Variants in PPP6R3 observed in about 807,000 individuals in gnomAD.
The protein encoded by PPP6R3 is serine/threonine-protein phosphatase 6 regulatory subunit 3.
In PPP6R3, 38 loss-of-function variants were observed where a neutral mutation model predicts 110.7. That is an observed-to-expected ratio of 0.34 (90% CI 0.26 to 0.45). The LOEUF (loss-of-function observed/expected upper bound fraction) is 0.45, where lower values mean the gene tolerates loss of function less well. PPP6R3 is among the 20% of genes least tolerant of loss of function. The probability of loss-of-function intolerance (pLI) is 1.00; values close to 1 mark genes in which losing one functional copy is unlikely to be tolerated. For missense variants in PPP6R3, 870 were observed against 1,062.4 expected (o/e 0.82, Z 2.52); for synonymous variants, 369 against 373.5 (o/e 0.99, Z 0.14).
chr11:68,583,296 T>TA (rs1260732692), intron 15 of PPP6R3, among the ~76,000 whole-genome samples, 167 bp downstream of exon 15: 2 of 152,216 alleles, frequency 1.3e-5, no homozygotes, highest in Non-Finnish European at 2.9e-5. Context: ...AAATGAAAGA[T>TA]AGATTTGTAT....
At chr11:68,604,101 A>G (rs1937963362) in intron 22 of PPP6R3, among the ~76,000 whole-genome samples, 2 of 152,236 alleles carry the variant, frequency 1.3e-5, no homozygotes, top group Non-Finnish European at 2.9e-5. Flanking sequence ...CCATTACAAG[A>G]AGGAATGCCT....
rs1343642806 is a variant in PPP6R3 at position 68,569,863 on chromosome 11, A to T, written c.1244A>T (p.Gln415Leu). The T allele has an allele frequency of 6.8e-6, 11 of 1,611,710 alleles. No individual in the cohort carries two copies. Among genetic ancestry groups the T allele is most frequent in the East Asian group, 2.2e-5 (1 of 44,768 alleles). ...ACAGAAAATGCCACAATTACCGATC[A>T]AGACTCCACTGGTGATAATTTGTTA... Reference protein sequence around the residue: ...ENTENATITDQDSTGDNLLLK... With the variant: ...ENTENATITDLDSTGDNLLLK... Residue 415 changes from glutamine to leucine, a missense_variant, in exon 11 of 24, where the codon CAA becomes CTA. Transcript: ENST00000393800.
At chr11:68,599,238 T>C (rs556532956) in intron 19 of PPP6R3, among the ~76,000 whole-genome samples, 1 of 152,352 alleles carries the variant, frequency 6.6e-6, no homozygotes, top group East Asian at 1.9e-4. Context: ...CACATCTGGC[T>C]TGTCCCCAGC....
At chr11:68,494,071 C>G (rs148701469) in intron 1 of PPP6R3, among the ~76,000 whole-genome samples, 1 of 148,664 alleles carries the variant, frequency 6.7e-6, no homozygotes, top group African/African-American at 2.5e-5. Context: ...CCACTGTACT[C>G]CAGCCTGGGC....
At chr11:68,590,630 T>G in intron 16 of PPP6R3, 30 bp from the exon 17 acceptor site, 3 of 1,543,156 alleles carry the variant, frequency 1.9e-6, no homozygotes, top group Non-Finnish European at 2.6e-6. Flanking sequence ...TAATTAATGC[T>G]TCCTACACTT....
intron 9 of PPP6R3, among the ~76,000 whole-genome samples, 200 bp downstream of exon 9, chr11:68,564,632 A>G (rs1314336740): frequency 6.6e-6 from 1 of 152,246 alleles, no homozygotes; most frequent in African/African-American, 2.4e-5. Context: ...CAGTTTAGGA[A>G]GTTTACCTTT....
chr11:68,610,164 T>A, intron 23 of PPP6R3, 141 bp downstream of exon 23: 1 of 1,188,868 alleles, frequency 8.4e-7, no homozygotes, highest in South Asian at 1.6e-5. Flanking sequence ...CAGGGTTTTC[T>A]CAGTCCTTAA....
At chr11:68,520,767 TTTTG>T (rs949279176) in intron 2 of PPP6R3, among the ~76,000 whole-genome samples, 5 of 152,140 alleles carry the variant, frequency 3.3e-5, no homozygotes, top group Non-Finnish European at 5.9e-5. Context: ...CATAGAGTTT[TTTTG>T]TTTGTTTGTT....
chr11:68,596,124 T>C lies in PPP6R3; in HGVS notation c.1944T>C (p.Ser648=). The C allele has an allele frequency of 6.2e-7, 1 of 1,614,178 alleles. No individual in the cohort carries two copies. Among genetic ancestry groups the C allele is most frequent in the South Asian group, 1.1e-5 (1 of 91,084 alleles). The change falls in exon 19 of 24, where the codon AGT becomes AGC. Residue 648 remains serine, a synonymous_variant. Transcript: ENST00000393800. The stretch of plus-strand genomic sequence containing the variant: ...CGGGGAGTACAGACAGTGAGGAAAG[T>C]ACAGACTCTGAAGAAGAAGATGGAG... ...SSSGSTDSEE[S]TDSEEEDGAK...
intron 1 of PPP6R3, among the ~76,000 whole-genome samples, chr11:68,495,878 T>C (rs1350222059): frequency 6.6e-6 from 1 of 152,266 alleles, no homozygotes; most frequent in Non-Finnish European, 1.5e-5. Context: ...CATATGGAGC[T>C]CTGTGTTTAT....
intron 1 of PPP6R3, among the ~76,000 whole-genome samples, chr11:68,493,376 T>C (rs562181470): frequency 6.6e-6 from 1 of 152,146 alleles, no homozygotes; most frequent in African/African-American, 2.4e-5. Flanking sequence ...TCTCCCTCTA[T>C]TTCATAAATT....
At position 68,574,180 on chromosome 11, in the gene PPP6R3, C is replaced by G. The variant is rs1458266509; in HGVS notation, c.1415C>G (p.Thr472Ser). 1.2e-6 allele frequency: 2 copies of G among 1,613,942 alleles called. No individual in the cohort carries two copies. Among genetic ancestry groups the G allele is most frequent in the Non-Finnish European group, 8.5e-7 (1 of 1,179,944 alleles). ...TRIANCIVHS[T>S]DKGPNSALVQ... Reference sequence around the variant, plus strand: ...ATAGCTAACTGTATCGTGCACAGCACTGACAAGGGCCCCAACAGTGCATTA... The same window carrying G: ...ATAGCTAACTGTATCGTGCACAGCAGTGACAAGGGCCCCAACAGTGCATTA... The change falls in exon 13 of 24, where the codon ACT becomes AGT. Residue 472 changes from threonine (T) to serine (S), a missense_variant. Transcript: ENST00000393800.
intron 1 of PPP6R3, among the ~76,000 whole-genome samples, chr11:68,510,918 T>C (rs763152443): frequency 2.0e-5 from 3 of 152,214 alleles, no homozygotes; most frequent in Non-Finnish European, 1.5e-5. Context: ...ACATGGAAGA[T>C]AAGGATTGGC....
At chr11:68,523,018 C>G (rs1184298982) in intron 2 of PPP6R3, among the ~76,000 whole-genome samples, 3 of 152,156 alleles carry the variant, frequency 2.0e-5, no homozygotes, top group Non-Finnish European at 4.4e-5. Flanking sequence ...AATAATTTGC[C>G]TATATGTAGC....
chr11:68,613,178 A>AGG lies in PPP6R3; in HGVS notation c.*64_*65dup. The AGG allele has an allele frequency of 1.9e-6, 3 of 1,605,972 alleles. No homozygotes were observed. The highest frequency in any genetic ancestry group is 2.5e-6 in the Non-Finnish European group (3 of 1,176,518). The stretch of plus-strand genomic sequence containing the variant: ...GACCGCCACCACTCAGGGGCTCTGG[A>AGG]GGGGTCAGCTGGAGCCCACCAAGCT... On this transcript the variant is annotated 3_prime_UTR_variant, in exon 24 of 24. Transcript: ENST00000393800.
At chr11:68,538,667 G>A (rs1038900150) in intron 3 of PPP6R3, among the ~76,000 whole-genome samples, 7 of 152,060 alleles carry the variant, frequency 4.6e-5, no homozygotes, top group Non-Finnish European at 8.8e-5. Flanking sequence ...TTTTCCTTTC[G>A]TCTTGGGGAG....
intron 1 of PPP6R3, among the ~76,000 whole-genome samples, chr11:68,482,559 C>T (rs1490775841): frequency 1.3e-5 from 2 of 151,814 alleles, no homozygotes; most frequent in Non-Finnish European, 2.9e-5. Flanking sequence ...GAATAGTAGC[C>T]TATTTTATGG....
intron 1 of PPP6R3, among the ~76,000 whole-genome samples, chr11:68,474,043 CTT>C (rs34322224): frequency 0.043 from 5,915 of 136,252 alleles, 147 homozygotes; most frequent in Non-Finnish European, 0.066. Context: ...AAGCAATTAC[CTT>C]TTTTTTTTTT....
At chr11:68,539,658 G>A (rs919912104) in intron 3 of PPP6R3, among the ~76,000 whole-genome samples, 71 of 152,354 alleles carry the variant, frequency 4.7e-4, no homozygotes, top group African/African-American at 1.7e-3. Flanking sequence ...GTGCTTTAGG[G>A]TTATGGTTGA....
Sources: allele counts gnomAD v4.1 joint callset (sites outside exome capture counted in the v4.1 genomes callset), GRCh38; gene constraint gnomAD v4.1.1; transcripts MANE v1.5; gene names NCBI Gene and HGNC (gene_info 2026-07-23, HGNC 2026-07-21).